The following SCAPER variants were observed in gnomAD, a reference collection of about 807,000 sequenced individuals.
SCAPER encodes the protein S-phase cyclin A associated protein in the ER, also known as S phase cyclin A-associated protein in the endoplasmic reticulum.
A neutral mutation model predicts 182.2 loss-of-function variants in SCAPER; 98 were observed. That is an observed-to-expected ratio of 0.54 (90% CI 0.46 to 0.64). SCAPER has a LOEUF of 0.64. Among genes scored for constraint, SCAPER ranks in the 30% least tolerant of loss-of-function variants. The probability of loss-of-function intolerance (pLI) is 0.00; values close to 1 mark genes in which losing one functional copy is unlikely to be tolerated. For missense variants in SCAPER, 1,432 were observed against 1,690.0 expected (o/e 0.85, Z 2.68); for synonymous variants, 605 against 564.6 (o/e 1.07, Z -1.01).
chr15:76,650,296 A>G (rs941321889), intron 21 of SCAPER, among the ~76,000 whole-genome samples: 10 of 152,058 alleles, frequency 6.6e-5, no homozygotes, highest in Non-Finnish European at 1.2e-4. Flanking sequence ...AAAGAGACAT[A>G]GTTAAAATTT....
intron 23 of SCAPER, among the ~76,000 whole-genome samples, chr15:76,553,577 G>T (rs1482844866): frequency 6.6e-6 from 1 of 152,084 alleles, no homozygotes; most frequent in Non-Finnish European, 1.5e-5. Flanking sequence ...CAACCCGATG[G>T]AATACTGGGG....
intron 23 of SCAPER, among the ~76,000 whole-genome samples, chr15:76,527,384 C>T (rs1379750584): frequency 6.6e-6 from 1 of 152,116 alleles, no homozygotes; most frequent in Admixed American, 6.5e-5. Context: ...TTTCCTTGGG[C>T]ACCTAGGGCT....
chr15:76,499,701 T>C (rs1403719351), intron 24 of SCAPER, among the ~76,000 whole-genome samples: 1 of 152,196 alleles, frequency 6.6e-6, no homozygotes, highest in African/African-American at 2.4e-5. Flanking sequence ...ATTTGATATT[T>C]TTTTAAGTGA....
chr15:76,765,009 T>C lies in SCAPER; in HGVS notation c.1677A>G (p.Glu559=), dbSNP rs745582364. 8.1e-6 allele frequency: 13 copies of C among 1,604,184 alleles called. 1 individual carries two copies. The South Asian group carries it at 1.2e-4, about 15-fold the overall frequency. The part of the protein sequence containing the change: ...EKQMKAQQLR[E]KLREEKTLKL... ...TCAATGTTTTCTCTTCGCGTAACTTTTCCCTTAGCTGCTGTGCTTTCATTT... is the reference window on the plus strand; with the variant it reads ...TCAATGTTTTCTCTTCGCGTAACTTCTCCCTTAGCTGCTGTGCTTTCATTT... Residue 559 remains glutamate (E), a synonymous_variant, in exon 14 of 32, where the codon GAA becomes GAG. Coordinates refer to ENST00000563290, the MANE Select transcript of SCAPER (RefSeq NM_020843.4).
intron 26 of SCAPER, among the ~76,000 whole-genome samples, chr15:76,426,445 C>T (rs1221964804): frequency 6.6e-6 from 1 of 152,070 alleles, no homozygotes; most frequent in Non-Finnish European, 1.5e-5. Flanking sequence ...GCCATTTGCT[C>T]AGTTGGAAAT....
chr15:76,654,187 G>A (rs1394869314), intron 21 of SCAPER, among the ~76,000 whole-genome samples: 2 of 152,024 alleles, frequency 1.3e-5, no homozygotes, highest in Non-Finnish European at 2.9e-5. Flanking sequence ...CTGATCACGA[G>A]GTCAGGAGAT....
chr15:76,671,549 C>A (rs938442585), intron 20 of SCAPER, among the ~76,000 whole-genome samples: 1 of 152,112 alleles, frequency 6.6e-6, no homozygotes, highest in African/African-American at 2.4e-5. Flanking sequence ...GTGGGCAGAT[C>A]ACAAGGTCAG....
At chr15:76,423,737 G>A (rs1189224512) in intron 26 of SCAPER, among the ~76,000 whole-genome samples, 1 of 152,120 alleles carries the variant, frequency 6.6e-6, no homozygotes, top group Non-Finnish European at 1.5e-5. Context: ...GATCTTTCCT[G>A]TTTTCTCTTG....
At position 76,383,862 on chromosome 15, in the gene SCAPER, TATA is replaced by T. The variant is rs1312078102; in HGVS notation, c.3468-2250_3468-2248del. On this transcript the variant is annotated intron_variant, in intron 27 of 31. Transcript: ENST00000563290. ...TGTGATTAAGTAAATACTGTTAAGATATACAGAGACTATAATGCAATCTTGTAT... is the reference window on the plus strand; with the variant it reads ...TGTGATTAAGTAAATACTGTTAAGATCAGAGACTATAATGCAATCTTGTAT... Among the ~76,000 whole-genome samples, 3 of 152,374 alleles carry T rather than the reference TATA, an allele frequency of 2.0e-5. No homozygotes were observed. The East Asian group carries it at 5.8e-4, about 29-fold the overall frequency.
intron 5 of SCAPER, among the ~76,000 whole-genome samples, chr15:76,809,764 T>A (rs910864764): frequency 6.7e-6 from 1 of 148,480 alleles, no homozygotes; most frequent in Non-Finnish European, 1.5e-5. Context: ...AAAGCCCAAA[T>A]AACTAGACGA....
intron 22 of SCAPER, among the ~76,000 whole-genome samples, chr15:76,587,232 G>T (rs1158573708): frequency 6.6e-6 from 1 of 152,076 alleles, no homozygotes; most frequent in Non-Finnish European, 1.5e-5. Flanking sequence ...TCTTTTCAAA[G>T]AATCAGCTTT....
intron 22 of SCAPER, among the ~76,000 whole-genome samples, chr15:76,604,087 G>C (rs2050145042): frequency 8.3e-6 from 1 of 119,802 alleles, no homozygotes; most frequent in East Asian, 2.2e-4. Flanking sequence ...TTTTAGACAT[G>C]AAGTCCTTGC....
chr15:76,560,461 G>C (rs1024530844), intron 23 of SCAPER, among the ~76,000 whole-genome samples: 23 of 152,006 alleles, frequency 1.5e-4, no homozygotes, highest in Admixed American at 6.5e-4. Context: ...ACAATTCTTC[G>C]GGATGTGCCA....
chr15:76,887,354 G>A (rs1012122586), intron 1 of SCAPER, among the ~76,000 whole-genome samples: 3 of 152,268 alleles, frequency 2.0e-5, no homozygotes, highest in Admixed American at 6.5e-5. Flanking sequence ...CCGGGGCATC[G>A]CCTCACCAGG....
intron 3 of SCAPER, among the ~76,000 whole-genome samples, chr15:76,861,336 GATTAA>G (rs1235414719): frequency 6.6e-6 from 1 of 152,168 alleles, no homozygotes; most frequent in Non-Finnish European, 1.5e-5. Context: ...TAAAGCAATT[GATTAA>G]ATTAACGAGA....
At chr15:76,756,159 G>A (rs1236271176) in intron 14 of SCAPER, among the ~76,000 whole-genome samples, 8 of 140,366 alleles carry the variant, frequency 5.7e-5, no homozygotes, top group African/African-American at 1.8e-4. Context: ...CAGGAGAATC[G>A]CTTGAACTCG....
At chr15:76,510,399 C>CA (rs769926912) in intron 23 of SCAPER, among the ~76,000 whole-genome samples, 17 of 151,886 alleles carry the variant, frequency 1.1e-4, no homozygotes, top group Non-Finnish European at 2.4e-4. Context: ...ACAACAACAA[C>CA]AACAAACAAA....
chr15:76,466,209 G>C lies in SCAPER; in HGVS notation c.3078+5003C>G, dbSNP rs146255113. ...GAACTTTCCATAATGTGTATAATGG[G>C]TTGGCTTGATGGTATGCCACAAATC... is the stretch of plus-strand genomic sequence containing the variant. On this transcript the variant is annotated intron_variant, in intron 25 of 31. Coordinates refer to ENST00000563290, the MANE Select transcript of SCAPER (RefSeq NM_020843.4). Among the ~76,000 whole-genome samples, 11 of 151,562 alleles carry C rather than the reference G, an allele frequency of 7.3e-5. No individual in the cohort carries two copies. In the East Asian group the frequency reaches 2.1e-3, roughly 29 times the overall value.
At chr15:76,523,054 C>T (rs1261037409) in intron 23 of SCAPER, among the ~76,000 whole-genome samples, 1 of 151,878 alleles carries the variant, frequency 6.6e-6, no homozygotes, top group Non-Finnish European at 1.5e-5. Context: ...AGATATTCCT[C>T]CCATAATTCC....
Sources: gnomAD v4.1 joint callset for allele counts (sites outside exome capture counted in the v4.1 genomes callset) on GRCh38, gnomAD v4.1.1 for gene constraint, MANE v1.5 for transcripts, NCBI Gene and HGNC (gene_info 2026-07-23, HGNC 2026-07-21) for gene names.